NXPE2: variants seen among roughly 807,000 people sequenced by gnomAD.
NXPE2 encodes neurexophilin and PC-esterase domain family member 2, also known as NXPE family member 2.
Under a neutral mutation model 34.4 loss-of-function variants are expected in NXPE2, and 34 were observed. The observed-to-expected ratio is 0.99, with a 90% confidence interval of 0.75 to 1.31. The LOEUF (loss-of-function observed/expected upper bound fraction) is 1.31, where lower values mean the gene tolerates loss of function less well. Ranked by LOEUF, NXPE2 falls within the 40% of genes most tolerant of loss-of-function variation. The probability of loss-of-function intolerance (pLI) is 0.00; values close to 1 mark genes in which losing one functional copy is unlikely to be tolerated. For missense variants in NXPE2, 649 were observed against 672.5 expected (o/e 0.97, Z 0.39); for synonymous variants, 235 against 231.3 (o/e 1.02, Z -0.15).
chr11:114,559,234 C>T, the NXPE2 span, among the ~76,000 whole-genome samples: 1 of 152,160 alleles, frequency 6.6e-6, no homozygotes, highest in African/African-American at 2.4e-5. Flanking sequence ...GGGTGGCCTG[C>T]CCCTGCACCA....
At chr11:114,537,231 C>A in the NXPE2 span, among the ~76,000 whole-genome samples, 3 of 152,122 alleles carry the variant, frequency 2.0e-5, no homozygotes, top group Admixed American at 2.0e-4. Context: ...AATTCAACAA[C>A]CCTTCATGCT....
the NXPE2 span, among the ~76,000 whole-genome samples, chr11:114,670,000 T>C: frequency 6.9e-4 from 105 of 152,066 alleles, no homozygotes; most frequent in Admixed American, 1.4e-3. Flanking sequence ...AGCAAAACCA[T>C]AAACCAACTA....
the NXPE2 span, among the ~76,000 whole-genome samples, chr11:114,725,424 G>A: frequency 6.6e-6 from 1 of 151,842 alleles, no homozygotes; most frequent in Non-Finnish European, 1.5e-5. Flanking sequence ...TCATCTCACT[G>A]ACCCCAAGCC....
the NXPE2 span, chr11:114,529,283 T>C: frequency 6.5e-6 from 1 of 153,574 alleles, no homozygotes. Context: ...AGTTAGCAAA[T>C]GAGCAAAAGT....
the NXPE2 span, among the ~76,000 whole-genome samples, chr11:114,524,795 G>T: frequency 6.6e-6 from 1 of 152,034 alleles, no homozygotes; most frequent in African/African-American, 2.4e-5. Flanking sequence ...TAACAAATTT[G>T]CTTATGATTA....
the NXPE2 span, among the ~76,000 whole-genome samples, chr11:114,581,488 A>AT: frequency 6.6e-6 from 1 of 152,266 alleles, no homozygotes; most frequent in East Asian, 1.9e-4. Flanking sequence ...TGGGCAGGGA[A>AT]TTCACTGACT....
the NXPE2 span, among the ~76,000 whole-genome samples, chr11:114,731,602 A>T: frequency 6.6e-6 from 1 of 152,326 alleles, no homozygotes; most frequent in Middle Eastern, 3.4e-3. Flanking sequence ...GATGATGTTG[A>T]TTTTTAAAAA....
At chr11:114,684,334 G>A (rs771647296) in intron 2 of NXPE2, among the ~76,000 whole-genome samples, 1 of 152,026 alleles carries the variant, frequency 6.6e-6, no homozygotes, top group African/African-American at 2.4e-5. Context: ...GTCTGAGGCA[G>A]GAGAATGGCA....
the NXPE2 span, among the ~76,000 whole-genome samples, chr11:114,753,306 T>C: frequency 7.2e-5 from 11 of 151,982 alleles, no homozygotes; most frequent in African/African-American, 2.4e-4. Context: ...CCAGGGAGGA[T>C]CCCTTGAGCC....
the NXPE2 span, among the ~76,000 whole-genome samples, chr11:114,492,240 C>T: frequency 6.6e-6 from 1 of 152,028 alleles, no homozygotes; most frequent in African/African-American, 2.4e-5. Flanking sequence ...TTTATTTCTG[C>T]TCTGATCTTT....
the NXPE2 span, among the ~76,000 whole-genome samples, chr11:114,539,797 C>T: frequency 9.9e-5 from 15 of 151,718 alleles, no homozygotes; most frequent in Non-Finnish European, 1.2e-4. Flanking sequence ...GAAGTAGATA[C>T]CTTAGAAGCA....
the NXPE2 span, among the ~76,000 whole-genome samples, chr11:114,559,451 C>T: frequency 6.6e-6 from 1 of 152,210 alleles, no homozygotes; most frequent in African/African-American, 2.4e-5. Context: ...TTCTTCCTCT[C>T]TCCAACTAGA....
the NXPE2 span, among the ~76,000 whole-genome samples, chr11:114,633,659 C>G: frequency 1.3e-5 from 2 of 151,124 alleles, no homozygotes; most frequent in African/African-American, 4.9e-5. Flanking sequence ...GTTCCCCTTC[C>G]TGTGTCCATG....
At chr11:114,697,924 A>G (rs534421500) in intron 2 of NXPE2, 121 bp from the exon 3 acceptor site, 2 of 978,800 alleles carry the variant, frequency 2.0e-6, no homozygotes, top group East Asian at 5.6e-5. Context: ...ACCAGTTAGT[A>G]TCGATTTTTG....
the NXPE2 span, among the ~76,000 whole-genome samples, chr11:114,580,576 C>T: frequency 6.6e-6 from 1 of 151,834 alleles, no homozygotes; most frequent in Non-Finnish European, 1.5e-5. Flanking sequence ...TATGTTTCTT[C>T]CCAGAAAAAA....
chr11:114,702,561 A>G (rs987732926), intron 3 of NXPE2, among the ~76,000 whole-genome samples: 3 of 152,208 alleles, frequency 2.0e-5, no homozygotes, highest in African/African-American at 7.2e-5. Context: ...TTTATGTTAG[A>G]TGCCTCCCTT....
At chr11:114,618,990 G>A in the NXPE2 span, among the ~76,000 whole-genome samples, 1 of 152,026 alleles carries the variant, frequency 6.6e-6, no homozygotes, top group Non-Finnish European at 1.5e-5. Flanking sequence ...TGGATAATAG[G>A]TATTGCTTCT....
the NXPE2 span, chr11:114,522,002 T>C: frequency 8.1e-6 from 13 of 1,613,516 alleles, no homozygotes; most frequent in South Asian, 1.2e-4. Context: ...GTTAATCTGA[T>C]TTCCAATCAC....
the NXPE2 span, among the ~76,000 whole-genome samples, chr11:114,624,799 G>A: frequency 9.3e-5 from 14 of 149,946 alleles, no homozygotes; most frequent in East Asian, 1.0e-3. Context: ...ACTGTTACCC[G>A]GTGGATAGTA....
Sources: gnomAD v4.1 joint callset for allele counts (sites outside exome capture counted in the v4.1 genomes callset) on GRCh38, gnomAD v4.1.1 for gene constraint, MANE v1.5 for transcripts, NCBI Gene and HGNC (gene_info 2026-07-23, HGNC 2026-07-21) for gene names.